The following RREB1 variants were observed in gnomAD, a reference collection of about 807,000 sequenced individuals.
RREB1 encodes the protein ras-responsive element-binding protein 1.
Under a neutral mutation model 117.8 loss-of-function variants are expected in RREB1, and 27 were observed. The ratio of observed to expected loss-of-function variants is 0.23; its 90% CI spans 0.17 to 0.32. The LOEUF (loss-of-function observed/expected upper bound fraction) is 0.32, where lower values mean the gene tolerates loss of function less well. Ranked by LOEUF, RREB1 falls within the 10% of genes least tolerant of loss-of-function variation. The probability of loss-of-function intolerance (pLI) is 1.00; values close to 1 mark genes in which losing one functional copy is unlikely to be tolerated. For synonymous variants in RREB1, 1,298 were observed against 1,026.7 expected (o/e 1.26, Z -5.05); for missense variants, 2,577 against 2,378.2 (o/e 1.08, Z -1.74).
intron 1 of RREB1, among the ~76,000 whole-genome samples, chr6:7,126,145 G>GCA (rs1491523128): frequency 1.3e-5 from 2 of 152,050 alleles, no homozygotes; most frequent in Non-Finnish European, 2.9e-5. Context: ...GGGATTACAG[G>GCA]TGCGCACCAC....
chr6:7,148,197 T>C (rs999882899), intron 1 of RREB1, among the ~76,000 whole-genome samples: 10 of 152,250 alleles, frequency 6.6e-5, no homozygotes, highest in African/African-American at 2.2e-4. Flanking sequence ...TTCCCATTGA[T>C]CCTTTAGGCC....
chr6:7,246,798 T>C lies in RREB1; in HGVS notation c.4348T>C (p.Cys1450Arg), dbSNP rs1258074897. 4 of 1,552,102 alleles carry C rather than the reference T, an allele frequency of 2.6e-6. No homozygotes were observed. The highest frequency in any genetic ancestry group is 1.7e-4 in the Middle Eastern group (1 of 5,774). ...GGCCTCGCAGGAGCAGAAGCTCGCC[T>C]GCGACACCTGTGGGAAGAGCTTCAA... ...GAASQEQKLA[C>R]DTCGKSFKFL... The change falls in exon 12 of 13, where the codon TGC (cysteine) becomes CGC (arginine). Residue 1450 changes from cysteine (C) to arginine (R), a missense_variant. Physicochemically the swap from Cys to Arg is radical, Grantham distance 180 (BLOSUM62 -3). Transcript: ENST00000379938.
At chr6:7,159,410 C>T (rs945774910) in intron 1 of RREB1, among the ~76,000 whole-genome samples, 4 of 152,204 alleles carry the variant, frequency 2.6e-5, no homozygotes, top group Admixed American at 2.0e-4. Context: ...CCTGGAATAA[C>T]GGGACAGCCG....
At chr6:7,111,190 A>G (rs1040097532) in intron 1 of RREB1, among the ~76,000 whole-genome samples, 4 of 152,220 alleles carry the variant, frequency 2.6e-5, no homozygotes, top group African/African-American at 9.6e-5. Context: ...CAGGCACTGT[A>G]CAGTGTAGCT....
intron 8 of RREB1, among the ~76,000 whole-genome samples, chr6:7,222,787 C>G (rs1232961694): frequency 1.3e-5 from 2 of 149,546 alleles, no homozygotes; most frequent in East Asian, 1.9e-4. Context: ...CATAGCGAGC[C>G]TGCCTCAAAA....
intron 1 of RREB1, among the ~76,000 whole-genome samples, chr6:7,158,693 A>C (rs1477560529): frequency 6.6e-6 from 1 of 152,206 alleles, no homozygotes. Flanking sequence ...ACCAAGTGGT[A>C]AGCTTATGGA....
At chr6:7,131,334 A>G (rs767386914) in intron 1 of RREB1, among the ~76,000 whole-genome samples, 14 of 152,180 alleles carry the variant, frequency 9.2e-5, no homozygotes, top group Non-Finnish European at 2.1e-4. Context: ...AATTGGTATA[A>G]TTATCCTCAT....
chr6:7,189,717 A>G (rs1051204697), intron 6 of RREB1, among the ~76,000 whole-genome samples: 1 of 152,248 alleles, frequency 6.6e-6, no homozygotes, highest in African/African-American at 2.4e-5. Context: ...TTCATTGCAA[A>G]TAAAAACAAA....
intron 1 of RREB1, among the ~76,000 whole-genome samples, chr6:7,143,851 C>CTTTTTTTTTTTTT (rs11365387): frequency 7.8e-5 from 7 of 89,358 alleles, no homozygotes; most frequent in African/African-American, 1.2e-4. Flanking sequence ...TTTTTTCTTT[C>CTTTTTTTTTTTTT]TTTTTTTTTT....
At position 7,229,825 on chromosome 6, in the gene RREB1, C is replaced by T. The variant is rs549745734; in HGVS notation, c.1726C>T (p.Arg576Trp). The change falls in exon 10 of 13, where the codon CGG (arginine) becomes TGG (tryptophan). Residue 576 changes from arginine (R) to tryptophan (W), a missense_variant. By Grantham distance (101) the Arg-to-Trp change is moderately radical. Coordinates refer to ENST00000379938, the MANE Select transcript of RREB1 (RefSeq NM_001003699.4). The surrounding 1 kb of genome is among the most constrained non-coding windows in gnomAD (Gnocchi z 4.5). ...CGGGACCCAGCCCCACGCGGCCACG[C>T]GGCTCTCCCTGCAGCAGCCGCGGGC... ...KSGTQPHAAT[R>W]LSLQQPRAEL... 3.2e-4 allele frequency: 508 copies of T among 1,610,272 alleles called. 6 individuals carry two copies. The South Asian group carries it at 5.3e-3, about 17-fold the overall frequency.
intron 1 of RREB1, among the ~76,000 whole-genome samples, chr6:7,158,086 A>G (rs1360405231): frequency 5.3e-5 from 8 of 152,066 alleles, no homozygotes; most frequent in Admixed American, 6.6e-5. Flanking sequence ...CAGGACCAAG[A>G]CCTTCTGGAT....
intron 6 of RREB1, among the ~76,000 whole-genome samples, chr6:7,208,565 C>T (rs563809073): frequency 9.8e-4 from 149 of 152,318 alleles, no homozygotes; most frequent in African/African-American, 2.9e-3. Flanking sequence ...CCTGGGGCTC[C>T]GGGGCTCAGT....
chr6:7,112,808 G>C (rs1393564860), intron 1 of RREB1, among the ~76,000 whole-genome samples: 1 of 140,520 alleles, frequency 7.1e-6, no homozygotes. Flanking sequence ...CAATGTCATC[G>C]ACTGTGCTCC....
intron 1 of RREB1, among the ~76,000 whole-genome samples, chr6:7,156,802 C>T (rs1763384349): frequency 1.3e-5 from 2 of 152,156 alleles, no homozygotes; most frequent in South Asian, 4.1e-4. Flanking sequence ...CCTTAGCCAG[C>T]CATCCAGCGT....
At chr6:7,239,104 C>T (rs1012112349) in intron 10 of RREB1, among the ~76,000 whole-genome samples, 9 of 152,348 alleles carry the variant, frequency 5.9e-5, no homozygotes, top group East Asian at 5.8e-4. Context: ...CAGGGGAGTG[C>T]GTGGCCTTGG....
At chr6:7,114,567 C>T (rs1414483769) in intron 1 of RREB1, among the ~76,000 whole-genome samples, 1 of 152,008 alleles carries the variant, frequency 6.6e-6, no homozygotes, top group African/African-American at 2.4e-5. Flanking sequence ...GACCCCCATA[C>T]GTCAGCAGAG....
intron 4 of RREB1, among the ~76,000 whole-genome samples, chr6:7,186,141 A>G (rs538545165): frequency 6.6e-6 from 1 of 152,346 alleles, no homozygotes; most frequent in African/African-American, 2.4e-5. Flanking sequence ...TAGACAGAGC[A>G]TCCAGCCCTA....
intron 8 of RREB1, among the ~76,000 whole-genome samples, chr6:7,219,253 G>C (rs187094689): frequency 6.6e-6 from 1 of 152,092 alleles, no homozygotes. Context: ...CTGGCTGACC[G>C]AGTGAGACGC....
chr6:7,246,370 TG>T (rs1769020693), intron 11 of RREB1, 53 bp from the exon 12 acceptor site: 1 of 1,402,786 alleles, frequency 7.1e-7, no homozygotes, highest in African/African-American at 1.5e-5. Flanking sequence ...ATCCCTGGCA[TG>T]GGCGTACCTG....
Sources: allele counts gnomAD v4.1 joint callset (sites outside exome capture counted in the v4.1 genomes callset), GRCh38; gene constraint gnomAD v4.1.1; non-coding constraint Gnocchi (gnomAD v3.1); transcripts MANE v1.5; gene names NCBI Gene and HGNC (gene_info 2026-07-23, HGNC 2026-07-21).